The following POU6F2 variants were observed in gnomAD, a reference collection of about 807,000 sequenced individuals.
POU6F2 encodes the protein POU class 6 homeobox 2, also known as POU domain, class 6, transcription factor 2.
Under a neutral mutation model 71.3 loss-of-function variants are expected in POU6F2, and 31 were observed. The ratio of observed to expected loss-of-function variants is 0.43; its 90% confidence interval spans 0.33 to 0.59. POU6F2 has a LOEUF of 0.59. Ranked by LOEUF, POU6F2 falls within the 20% of genes least tolerant of loss-of-function variation. The pLI, the probability that POU6F2 is intolerant of heterozygous loss-of-function variation, is 0.04. For missense variants in POU6F2, 783 were observed against 856.8 expected (o/e 0.91, Z 1.07); for synonymous variants, 347 against 355.7 (o/e 0.98, Z 0.27).
At chr7:39,175,294 A>C (rs1793305154) in intron 2 of POU6F2, among the ~76,000 whole-genome samples, 1 of 152,214 alleles carries the variant, frequency 6.6e-6, no homozygotes, top group Non-Finnish European at 1.5e-5. Flanking sequence ...TTTCATTCAG[A>C]CATCCCAGTA....
Position 39,465,022 on chromosome 7 carries a change from G to A in POU6F2, c.*336G>A, listed in dbSNP as rs535077926. On this transcript the variant is annotated 3_prime_UTR_variant, in exon 10 of 10. Transcript: ENST00000518318. ...GACTTAAAGCAAACCAAATAACCAC[G>A]TACTTTTTTCTGTATATTATGAAAA... 6.2e-5 allele frequency: 13 copies of A among 210,314 alleles called. No homozygotes were observed. The highest frequency in any genetic ancestry group is 1.4e-4 in the South Asian group (1 of 7,404). The allele number at this position is 210,314 out of a possible 1,614,324, so 13.0% of individuals were successfully genotyped here.
intron 2 of POU6F2, among the ~76,000 whole-genome samples, chr7:39,104,950 A>G (rs1290892532): frequency 1.3e-5 from 2 of 152,224 alleles, no homozygotes; most frequent in Non-Finnish European, 2.9e-5. Context: ...TCTTATAGAT[A>G]TGTGCATGTT....
intron 2 of POU6F2, among the ~76,000 whole-genome samples, chr7:39,113,511 G>A (rs1157505510): frequency 6.6e-6 from 1 of 152,160 alleles, no homozygotes; most frequent in African/African-American, 2.4e-5. Flanking sequence ...TCTCCCTCAA[G>A]TTACATAGAC....
intron 4 of POU6F2, among the ~76,000 whole-genome samples, chr7:39,252,639 T>C (rs1293648566): frequency 1.3e-5 from 2 of 152,194 alleles, no homozygotes; most frequent in Non-Finnish European, 2.9e-5. Context: ...TGAACATTTG[T>C]GTTTGGAGAA....
intron 1 of POU6F2, among the ~76,000 whole-genome samples, chr7:39,059,399 AAGTG>A (rs1355054606): frequency 6.6e-6 from 1 of 152,100 alleles, no homozygotes; most frequent in African/African-American, 2.4e-5. Flanking sequence ...GTGATATTTA[AAGTG>A]AGTGACCGGA....
Position 39,366,779 on chromosome 7 carries a change from G to T in POU6F2, c.972+26764G>T, listed in dbSNP as rs577885658. Among the ~76,000 whole-genome samples the T allele has an allele frequency of 1.5e-4, 23 of 152,260 alleles. No individual in the cohort carries two copies. The East Asian group carries it at 4.3e-3, about 28-fold the overall frequency. ...ACCAGGAATTCCAGAGAGCCCAGAG[G>T]GAGGTCTCAGGAGTTGGGGAGGCAG... is the stretch of plus-strand genomic sequence containing the variant. On this transcript the variant is annotated intron_variant, in intron 5 of 9. Coordinates refer to ENST00000518318, the MANE Select transcript of POU6F2 (RefSeq NM_001370959.1).
intron 1 of POU6F2, among the ~76,000 whole-genome samples, chr7:39,009,662 T>A (rs2128702625): frequency 6.6e-6 from 1 of 152,358 alleles, no homozygotes; most frequent in Non-Finnish European, 1.5e-5. Flanking sequence ...TGTGGGTTTA[T>A]CATAGACAGC....
intron 4 of POU6F2, among the ~76,000 whole-genome samples, chr7:39,253,817 G>C (rs1783969852): frequency 6.6e-6 from 1 of 152,130 alleles, no homozygotes; most frequent in Non-Finnish European, 1.5e-5. Flanking sequence ...TTAACAGTTT[G>C]TTTCCTATTA....
chr7:39,049,154 T>C (rs574009957), intron 1 of POU6F2, among the ~76,000 whole-genome samples: 4 of 152,004 alleles, frequency 2.6e-5, no homozygotes, highest in African/African-American at 9.6e-5. Context: ...AATCACCTTT[T>C]GGTTTCGTTA....
At chr7:38,992,440 A>T (rs1304432406) in intron 1 of POU6F2, among the ~76,000 whole-genome samples, 5 of 152,234 alleles carry the variant, frequency 3.3e-5, no homozygotes, top group African/African-American at 1.2e-4. Flanking sequence ...CATGGTATCC[A>T]GCAGATGCTT....
rs138897548 is a variant in POU6F2, at chr7:39,167,697, T to C, written c.278-36538T>C. Among the ~76,000 whole-genome samples, 499 of 152,198 alleles carry C rather than the reference T, an allele frequency of 3.3e-3. 5 individuals carry two copies. In the East Asian group the frequency reaches 0.039, roughly 12 times the overall value. On this transcript the variant is annotated intron_variant, in intron 2 of 9. Transcript: ENST00000518318. ...ATTTCTTTTACAAATTGTTTATTCA[T>C]ATCTTTTACCAATTTTTTGTTAGGT...
chr7:39,417,087 T>A (rs994978642), intron 6 of POU6F2, among the ~76,000 whole-genome samples: 4 of 152,212 alleles, frequency 2.6e-5, no homozygotes, highest in African/African-American at 9.7e-5. Flanking sequence ...GAATTTTGAT[T>A]TAGCGTCCTA....
chr7:39,099,121 G>T (rs748097015), intron 2 of POU6F2, among the ~76,000 whole-genome samples: 4 of 152,208 alleles, frequency 2.6e-5, no homozygotes, highest in Admixed American at 1.3e-4. Context: ...TCATCTTATG[G>T]AGAGTACATA....
At chr7:39,232,549 C>T (rs1794596477) in intron 4 of POU6F2, among the ~76,000 whole-genome samples, 1 of 152,288 alleles carries the variant, frequency 6.6e-6, no homozygotes, top group Non-Finnish European at 1.5e-5. Context: ...GTGTGTAGCT[C>T]CCTCCAGCAT....
intron 2 of POU6F2, among the ~76,000 whole-genome samples, chr7:39,094,621 G>A (rs552449331): frequency 3.3e-5 from 5 of 151,980 alleles, no homozygotes; most frequent in Non-Finnish European, 7.4e-5. Context: ...GTGGTGATTT[G>A]TCTTTTAATA....
At chr7:39,010,654 G>A (rs1276401278) in intron 1 of POU6F2, among the ~76,000 whole-genome samples, 3 of 135,158 alleles carry the variant, frequency 2.2e-5, no homozygotes, top group Non-Finnish European at 3.2e-5. Context: ...TTCTCTTGTG[G>A]GCATTTAGTG....
intron 2 of POU6F2, among the ~76,000 whole-genome samples, chr7:39,191,071 A>T (rs1793653412): frequency 6.6e-6 from 1 of 152,220 alleles, no homozygotes; most frequent in African/African-American, 2.4e-5. Flanking sequence ...TGTCTGTGCC[A>T]TAACTCACTG....
intron 4 of POU6F2, among the ~76,000 whole-genome samples, chr7:39,335,683 GA>G (rs1201162214): frequency 6.6e-6 from 1 of 152,188 alleles, no homozygotes; most frequent in Non-Finnish European, 1.5e-5. Flanking sequence ...CAGTTGTCTT[GA>G]AAAGCTAATT....
intron 4 of POU6F2, among the ~76,000 whole-genome samples, chr7:39,335,822 T>C (rs989841673): frequency 3.3e-5 from 5 of 152,340 alleles, no homozygotes; most frequent in Middle Eastern, 3.4e-3. Context: ...CTCGAAGCCA[T>C]TGGGGTGGGG....
Sources: allele counts gnomAD v4.1 joint callset (sites outside exome capture counted in the v4.1 genomes callset), GRCh38; gene constraint gnomAD v4.1.1; transcripts MANE v1.5; gene names NCBI Gene and HGNC (gene_info 2026-07-23, HGNC 2026-07-21).